Variants in ROBO2 observed in about 807,000 individuals in gnomAD.
ROBO2 encodes the protein roundabout homolog 2.
Under a neutral mutation model 160.8 loss-of-function variants are expected in ROBO2, and 53 were observed. The ratio of observed to expected loss-of-function variants is 0.33; its 90% CI spans 0.26 to 0.41. The LOEUF is 0.41. Among genes scored for constraint, ROBO2 ranks in the 10% least tolerant of loss-of-function variants. The pLI is 1.00. For missense variants in ROBO2, 1,577 were observed against 1,722.4 expected (o/e 0.92, Z 1.49); for synonymous variants, 664 against 611.7 (o/e 1.09, Z -1.26).
chr3:76,719,030 T>A (rs947870784), intron 2 of ROBO2, among the ~76,000 whole-genome samples: 7 of 152,186 alleles, frequency 4.6e-5, no homozygotes, highest in Admixed American at 1.3e-4. Flanking sequence ...AACTTTTTTT[T>A]AAATAAAATC....
Position 76,258,297 on chromosome 3 carries a change from TA to T in ROBO2, c.109+320696del, listed in dbSNP as rs1430123986. 2.6e-5 allele frequency among the ~76,000 whole-genome samples: 4 copies of T among 152,190 alleles called. No homozygotes were observed. In the East Asian group the frequency reaches 7.7e-4, roughly 29 times the overall value. ...CACATTAATGCTTATTCTAAGTTCT[TA>T]TTTTTTCTGCATCACTAATCCTCAA... On this transcript the variant is annotated intron_variant, in intron 2 of 26. Coordinates refer to the ROBO2 transcript ENST00000487694.
At chr3:76,888,588 A>G (rs182451060) in intron 2 of ROBO2, among the ~76,000 whole-genome samples, 4 of 152,324 alleles carry the variant, frequency 2.6e-5, no homozygotes, top group Admixed American at 2.6e-4. Context: ...TGTGCACTCC[A>G]TCAGAATTAC....
At chr3:76,844,460 A>C (rs550860261) in intron 2 of ROBO2, among the ~76,000 whole-genome samples, 1 of 152,132 alleles carries the variant, frequency 6.6e-6, no homozygotes, top group Middle Eastern at 3.4e-3. Flanking sequence ...GTTTCAGATC[A>C]TGGAGCAGTA....
At chr3:76,256,313 CT>C (rs1706363898) in intron 2 of ROBO2, among the ~76,000 whole-genome samples, 1 of 58,014 alleles carries the variant, frequency 1.7e-5, no homozygotes, top group South Asian at 8.8e-4. Context: ...CTCTCTCTCT[CT>C]CTCTCTCTCT....
At chr3:77,517,906 G>T (rs1047081125) in intron 5 of ROBO2, among the ~76,000 whole-genome samples, 1 of 151,440 alleles carries the variant, frequency 6.6e-6, no homozygotes, top group Admixed American at 6.6e-5. Context: ...GTAGTTCAGT[G>T]CCATCTGTGG....
intron 2 of ROBO2, among the ~76,000 whole-genome samples, chr3:77,133,755 A>G (rs912093669): frequency 2.0e-5 from 3 of 151,998 alleles, no homozygotes; most frequent in Non-Finnish European, 2.9e-5. Context: ...AAATACAACT[A>G]TAAGTATTTA....
At chr3:76,759,751 A>G (rs1339832747) in intron 2 of ROBO2, among the ~76,000 whole-genome samples, 1 of 151,824 alleles carries the variant, frequency 6.6e-6, no homozygotes. Context: ...CACGGGTTCT[A>G]GTTGATCTTT....
intron 2 of ROBO2, among the ~76,000 whole-genome samples, chr3:76,052,054 G>T (rs9814169): frequency 0.61 from 93,342 of 151,862 alleles, 29,393 homozygotes; most frequent in African/African-American, 0.76. Context: ...TGAATAATCA[G>T]ACATTCTTTT....
chr3:76,060,106 ATGT>A (rs1476619663), intron 2 of ROBO2, among the ~76,000 whole-genome samples: 5 of 98,748 alleles, frequency 5.1e-5, no homozygotes, highest in African/African-American at 1.7e-4. Context: ...CAGCTAGAAA[ATGT>A]TTTTTTTTTT....
intron 2 of ROBO2, among the ~76,000 whole-genome samples, chr3:77,377,662 T>G (rs1348784706): frequency 6.6e-6 from 1 of 152,228 alleles, no homozygotes; most frequent in Non-Finnish European, 1.5e-5. Flanking sequence ...CAGGACTGAC[T>G]GTCCATTGTA....
At chr3:76,782,189 G>T (rs1488892397) in intron 2 of ROBO2, among the ~76,000 whole-genome samples, 1 of 150,602 alleles carries the variant, frequency 6.6e-6, no homozygotes, top group African/African-American at 2.4e-5. Flanking sequence ...ACATATTTGT[G>T]AATTATCTGA....
chr3:77,271,330 C>T (rs1039968287), intron 2 of ROBO2, among the ~76,000 whole-genome samples: 3 of 152,080 alleles, frequency 2.0e-5, no homozygotes, highest in Non-Finnish European at 2.9e-5. Context: ...CAGAAACAGA[C>T]GGAAAGGGAC....
intron 2 of ROBO2, among the ~76,000 whole-genome samples, chr3:76,464,675 A>G (rs1034306174): frequency 6.6e-6 from 1 of 152,132 alleles, no homozygotes; most frequent in Non-Finnish European, 1.5e-5. Context: ...AATAACCAAA[A>G]TATAAAAAAC....
At chr3:77,557,320 CTAAT>C (rs2093158729) in intron 8 of ROBO2, among the ~76,000 whole-genome samples, 1 of 151,858 alleles carries the variant, frequency 6.6e-6, no homozygotes, top group Admixed American at 6.6e-5. Flanking sequence ...ATTATAAGCA[CTAAT>C]TAAATCAAAT....
intron 2 of ROBO2, among the ~76,000 whole-genome samples, chr3:76,853,751 CGTTT>C (rs1446636227): frequency 6.6e-6 from 1 of 152,048 alleles, no homozygotes; most frequent in African/African-American, 2.4e-5. Context: ...TAAATATTGT[CGTTT>C]GTTCTGTCTC....
At chr3:76,063,033 C>T (rs984827675) in intron 2 of ROBO2, among the ~76,000 whole-genome samples, 3 of 152,120 alleles carry the variant, frequency 2.0e-5, no homozygotes, top group Non-Finnish European at 4.4e-5. Flanking sequence ...CTTGATTAAG[C>T]TTATTAGATT....
chr3:76,454,906 A>G (rs758413550), intron 2 of ROBO2, among the ~76,000 whole-genome samples: 13 of 152,150 alleles, frequency 8.5e-5, no homozygotes, highest in Non-Finnish European at 1.0e-4. Context: ...TCAACATTCT[A>G]GAAAACAACC....
chr3:76,753,914 T>G (rs1419778967), intron 2 of ROBO2, among the ~76,000 whole-genome samples: 2 of 151,888 alleles, frequency 1.3e-5, no homozygotes, highest in Non-Finnish European at 2.9e-5. Flanking sequence ...CCCTTTTCTT[T>G]GTCCAGTTAG....
At chr3:76,344,208 A>C (rs2074390908) in intron 2 of ROBO2, among the ~76,000 whole-genome samples, 1 of 152,168 alleles carries the variant, frequency 6.6e-6, no homozygotes, top group African/African-American at 2.4e-5. Context: ...TCTGTTAAAA[A>C]TTGATAGACT....
Sources: allele counts gnomAD v4.1 joint callset (sites outside exome capture counted in the v4.1 genomes callset), GRCh38; gene constraint gnomAD v4.1.1; transcripts MANE v1.5; gene names NCBI Gene and HGNC (gene_info 2026-07-23, HGNC 2026-07-21).